Variants in NRXN3 observed in about 807,000 individuals in gnomAD.
The protein encoded by NRXN3 is neurexin III.
A neutral mutation model predicts 137.6 loss-of-function variants in NRXN3; 32 were observed. That is an observed-to-expected ratio of 0.23 (90% CI 0.18 to 0.31). The LOEUF (loss-of-function observed/expected upper bound fraction) is 0.31. Ranked by LOEUF, NRXN3 falls within the 10% of genes least tolerant of loss-of-function variation. The pLI, the probability that NRXN3 is intolerant of heterozygous loss-of-function variation, is 1.00. For synonymous variants in NRXN3, 798 were observed against 784.5 expected (o/e 1.02, Z -0.29); for missense variants, 1,574 against 2,062.5 (o/e 0.76, Z 4.59).
intron 20 of NRXN3, among the ~76,000 whole-genome samples, chr14:79,805,977 G>A (rs2099203407): frequency 6.6e-6 from 1 of 152,076 alleles, no homozygotes; most frequent in South Asian, 2.1e-4. Context: ...TGTCCAGCAG[G>A]CAATTGCAGT....
intron 15 of NRXN3, among the ~76,000 whole-genome samples, chr14:79,058,979 T>C (rs1188206105): frequency 6.6e-6 from 1 of 152,184 alleles, no homozygotes; most frequent in Non-Finnish European, 1.5e-5. Flanking sequence ...CTTTTTCTTT[T>C]ATAAATTACC....
At position 78,232,415 on chromosome 14, in the gene NRXN3, C is replaced by T. The variant is rs868486218; in HGVS notation, c.-703-9976C>T. ...GGGCAGGCTTATTTTCTCTTGTCTG[C>T]GCCTCTCTCCCCTTCTCTTACATGT... On this transcript the variant is annotated intron_variant, in intron 1 of 20. Coordinates refer to ENST00000335750, the MANE Select transcript of NRXN3 (RefSeq NM_001330195.2). Among the ~76,000 whole-genome samples the T allele has an allele frequency of 9.2e-5, 14 of 151,950 alleles. 1 individual carries two copies. Among genetic ancestry groups the T allele is most frequent in the South Asian group, 8.3e-4 (4 of 4,812 alleles).
At chr14:79,569,609 G>GTA (rs1372198379) in intron 16 of NRXN3, among the ~76,000 whole-genome samples, 1 of 144,644 alleles carries the variant, frequency 6.9e-6, no homozygotes, top group Admixed American at 6.8e-5. Context: ...CAACGTGTGT[G>GTA]TGTGTGTGTG....
At chr14:79,167,782 C>T (rs1210047806) in intron 15 of NRXN3, among the ~76,000 whole-genome samples, 2 of 151,930 alleles carry the variant, frequency 1.3e-5, no homozygotes, top group African/African-American at 4.8e-5. Context: ...CCTTGTCAGT[C>T]CCACCTCTCT....
At chr14:79,836,236 C>G (rs866791595) in intron 20 of NRXN3, among the ~76,000 whole-genome samples, 4 of 152,276 alleles carry the variant, frequency 2.6e-5, no homozygotes, top group Middle Eastern at 6.8e-3. Flanking sequence ...AAAGATGACA[C>G]TAAGTGTGAG....
At chr14:79,441,366 CTTTTTTTTTTTTTTTTT>C (rs869170695) in intron 15 of NRXN3, among the ~76,000 whole-genome samples, 3 of 67,232 alleles carry the variant, frequency 4.5e-5, no homozygotes, top group African/African-American at 6.2e-5. Flanking sequence ...AACAGAAAAT[CTTTTTTTTTTTTTTTTT>C]TTTTTTTTTT....
At chr14:78,711,225 G>A (rs1350128259) in intron 7 of NRXN3, among the ~76,000 whole-genome samples, 5 of 151,538 alleles carry the variant, frequency 3.3e-5, no homozygotes, top group Admixed American at 6.6e-5. Context: ...TACCTTACCC[G>A]TGTCTCAGGC....
At chr14:78,566,275 A>G (rs958047497) in intron 4 of NRXN3, among the ~76,000 whole-genome samples, 4 of 152,160 alleles carry the variant, frequency 2.6e-5, no homozygotes, top group African/African-American at 9.7e-5. Flanking sequence ...CAGGGAGGCT[A>G]CTGTCCTCAG....
chr14:79,213,616 CT>C (rs200334361), intron 15 of NRXN3, among the ~76,000 whole-genome samples: 13 of 147,952 alleles, frequency 8.8e-5, no homozygotes, highest in African/African-American at 2.2e-4. Context: ...TCCTCTCACC[CT>C]TTTTTTTTGG....
rs571799172 is a variant in NRXN3, at chr14:79,728,416, A to T, written c.4014+30479A>T. ...CACCTGCCAAAATCTCTCTCCTCCCAGGAGATAGCTCCCTTTTCTCCCTGA... is the reference window on the plus strand; with the variant it reads ...CACCTGCCAAAATCTCTCTCCTCCCTGGAGATAGCTCCCTTTTCTCCCTGA... On this transcript the variant is annotated intron_variant, in intron 19 of 20. Transcript: ENST00000335750. 2.0e-5 allele frequency among the ~76,000 whole-genome samples: 3 copies of T among 152,292 alleles called. No homozygotes were observed. The East Asian group carries it at 5.8e-4, about 30-fold the overall frequency.
intron 5 of NRXN3, among the ~76,000 whole-genome samples, chr14:78,649,726 T>C (rs1351152198): frequency 6.6e-6 from 1 of 152,068 alleles, no homozygotes; most frequent in Non-Finnish European, 1.5e-5. Context: ...TTTTCTTTTT[T>C]TCTCCTTTCC....
intron 17 of NRXN3, among the ~76,000 whole-genome samples, chr14:79,666,046 C>T (rs1009788003): frequency 3.3e-5 from 5 of 152,028 alleles, no homozygotes; most frequent in African/African-American, 1.2e-4. Context: ...CTTGAAATGT[C>T]CTAAGCATTG....
At position 78,243,018 on chromosome 14, in the gene NRXN3, A is replaced by T; in HGVS notation, c.-76A>T. On this transcript the variant is annotated 5_prime_UTR_variant, in exon 2 of 21. Transcript: ENST00000335750. This position sits in a 1 kb window ranked among gnomAD's most constrained non-coding sequence, Gnocchi z 4.2. ...TCTCTGTCTTGTCTTTCCCACTTCTATTGCCAAAGGGAGAGATCCTCTCCG... is the reference window on the plus strand; with the variant it reads ...TCTCTGTCTTGTCTTTCCCACTTCTTTTGCCAAAGGGAGAGATCCTCTCCG... 9.1e-7 allele frequency: 1 copy of T among 1,097,092 alleles called. No individual in the cohort carries two copies. The highest frequency in any genetic ancestry group is 1.6e-5 in the African/African-American group (1 of 62,890). The allele number at this position is 1,097,092 out of a possible 1,614,324, so 68.0% of individuals were successfully genotyped here.
intron 16 of NRXN3, among the ~76,000 whole-genome samples, chr14:79,639,376 C>T (rs1472168561): frequency 2.0e-5 from 3 of 152,150 alleles, no homozygotes; most frequent in Middle Eastern, 3.2e-3. Context: ...CTACCCTCTA[C>T]CCTCAAGTAG....
chr14:79,676,586 G>T (rs61995219), intron 17 of NRXN3, among the ~76,000 whole-genome samples: 8,919 of 151,536 alleles, frequency 0.059, 315 homozygotes, highest in South Asian at 0.097. Context: ...GTATTCATAC[G>T]ACAAAGAAGA....
chr14:78,945,377 G>A (rs983375402), intron 10 of NRXN3, among the ~76,000 whole-genome samples: 4 of 150,554 alleles, frequency 2.7e-5, no homozygotes, highest in Non-Finnish European at 4.4e-5. Context: ...TTCATTTTCT[G>A]TGTACTCAGA....
chr14:79,525,128 T>C (rs996607431), intron 16 of NRXN3, among the ~76,000 whole-genome samples: 4 of 152,142 alleles, frequency 2.6e-5, no homozygotes, highest in African/African-American at 9.7e-5. Flanking sequence ...AGAGGGATCC[T>C]AGTTTCTATG....
At chr14:79,142,077 C>T (rs1010365824) in intron 15 of NRXN3, among the ~76,000 whole-genome samples, 1 of 152,072 alleles carries the variant, frequency 6.6e-6, no homozygotes, top group African/African-American at 2.4e-5. Flanking sequence ...GGAAAGCCCC[C>T]AAGTGAGGGT....
intron 15 of NRXN3, among the ~76,000 whole-genome samples, chr14:79,234,293 A>AAT (rs71131687): frequency 0.018 from 985 of 55,998 alleles, 15 homozygotes; most frequent in Middle Eastern, 0.029. Flanking sequence ...TTCAATGGTA[A>AAT]ATATATATAT....
Sources: allele counts gnomAD v4.1 joint callset (sites outside exome capture counted in the v4.1 genomes callset), GRCh38; gene constraint gnomAD v4.1.1; non-coding constraint Gnocchi (gnomAD v3.1); transcripts MANE v1.5; gene names NCBI Gene and HGNC (gene_info 2026-07-23, HGNC 2026-07-21).